AGBL4: variants seen among roughly 807,000 people sequenced by gnomAD.
The protein encoded by AGBL4 is AGBL carboxypeptidase 4, also known as cytosolic carboxypeptidase 6.
Under a neutral mutation model 66.4 loss-of-function variants are expected in AGBL4, and 58 were observed. The ratio of observed to expected loss-of-function variants is 0.87; its 90% CI spans 0.71 to 1.09. The LOEUF (loss-of-function observed/expected upper bound fraction) is 1.09. Ranked by LOEUF, AGBL4 falls within the 50% of genes least tolerant of loss-of-function variation. The probability of loss-of-function intolerance (pLI) is 0.00; values close to 1 mark genes in which losing one functional copy is unlikely to be tolerated. For missense variants in AGBL4, 579 were observed against 631.0 expected (o/e 0.92, Z 0.88); for synonymous variants, 234 against 222.9 (o/e 1.05, Z -0.44).
intron 8 of AGBL4, among the ~76,000 whole-genome samples, chr1:48,651,470 G>A (rs1290533990): frequency 6.6e-6 from 1 of 152,132 alleles, no homozygotes; most frequent in Non-Finnish European, 1.5e-5. Flanking sequence ...TCTGACCGCT[G>A]CTCTTGTAAT....
At chr1:49,176,432 C>T (rs1646833225) in intron 4 of AGBL4, among the ~76,000 whole-genome samples, 1 of 152,142 alleles carries the variant, frequency 6.6e-6, no homozygotes, top group Non-Finnish European at 1.5e-5. Context: ...ATACACACCA[C>T]ACTCCACGAA....
chr1:49,569,895 CT>C (rs1266638036), intron 3 of AGBL4, among the ~76,000 whole-genome samples: 4 of 152,100 alleles, frequency 2.6e-5, no homozygotes, highest in Admixed American at 6.6e-5. Flanking sequence ...TCCATACATG[CT>C]GCAGCAAAAG....
chr1:49,925,668 C>T (rs1478907850), intron 1 of AGBL4, among the ~76,000 whole-genome samples: 3 of 152,158 alleles, frequency 2.0e-5, no homozygotes, highest in Non-Finnish European at 4.4e-5. Flanking sequence ...ATGAGCCCTA[C>T]ACCTGGCAAA....
intron 3 of AGBL4, among the ~76,000 whole-genome samples, chr1:49,346,051 G>A (rs921400478): frequency 3.9e-5 from 6 of 152,052 alleles, no homozygotes; most frequent in Admixed American, 1.3e-4. Context: ...TTTAAAAAGC[G>A]CCTATATGGC....
intron 5 of AGBL4, among the ~76,000 whole-genome samples, chr1:49,010,993 C>G (rs1424726957): frequency 6.6e-6 from 1 of 152,152 alleles, no homozygotes; most frequent in Non-Finnish European, 1.5e-5. Flanking sequence ...GTCTAAAACA[C>G]CAAAAGCAAT....
intron 2 of AGBL4, among the ~76,000 whole-genome samples, chr1:49,698,426 C>T (rs947975781): frequency 6.6e-6 from 1 of 152,024 alleles, no homozygotes; most frequent in African/African-American, 2.4e-5. Flanking sequence ...GTCCTAAATG[C>T]TAAATGAACT....
At chr1:49,055,118 G>C (rs1242051444) in intron 4 of AGBL4, among the ~76,000 whole-genome samples, 39 of 152,058 alleles carry the variant, frequency 2.6e-4, no homozygotes, top group Admixed American at 1.3e-4. Flanking sequence ...TGGGATAACA[G>C]CTTATTAGTA....
intron 3 of AGBL4, among the ~76,000 whole-genome samples, chr1:49,352,763 A>C (rs1184693907): frequency 1.3e-5 from 2 of 152,238 alleles, no homozygotes; most frequent in Non-Finnish European, 1.5e-5. Flanking sequence ...AAAGCTGAGC[A>C]CTTTAGACAT....
chr1:49,450,841 A>G (rs1646262724), intron 3 of AGBL4, among the ~76,000 whole-genome samples: 1 of 152,068 alleles, frequency 6.6e-6, no homozygotes, highest in Non-Finnish European at 1.5e-5. Flanking sequence ...AACAGGGCAT[A>G]CTCAGCTGCA....
At chr1:49,624,760 A>G (rs1645433140) in intron 3 of AGBL4, among the ~76,000 whole-genome samples, 1 of 152,182 alleles carries the variant, frequency 6.6e-6, no homozygotes, top group Non-Finnish European at 1.5e-5. Flanking sequence ...ATCTTTGATG[A>G]CTTCATGAAG....
chr1:50,018,085 A>T (rs948383244), intron 1 of AGBL4, among the ~76,000 whole-genome samples: 1 of 152,114 alleles, frequency 6.6e-6, no homozygotes, highest in African/African-American at 2.4e-5. Context: ...TTTCTATAAT[A>T]TTTTTCAAAA....
chr1:49,689,138 A>C (rs2124586842), intron 3 of AGBL4, among the ~76,000 whole-genome samples: 1 of 152,238 alleles, frequency 6.6e-6, no homozygotes, highest in South Asian at 2.1e-4. Context: ...TACTCAAAAA[A>C]TCTTTGCCCA....
chr1:49,370,947 G>A (rs1644328344), intron 3 of AGBL4, among the ~76,000 whole-genome samples: 1 of 152,050 alleles, frequency 6.6e-6, no homozygotes, highest in Non-Finnish European at 1.5e-5. Flanking sequence ...CCAATCAGTT[G>A]AAAGCCCACA....
intron 4 of AGBL4, among the ~76,000 whole-genome samples, chr1:49,222,671 G>A (rs1649589631): frequency 6.6e-6 from 1 of 152,106 alleles, no homozygotes; most frequent in South Asian, 2.1e-4. Context: ...CTGTACATTA[G>A]ACAAAATCAT....
At chr1:49,513,706 T>A (rs868472320) in intron 3 of AGBL4, among the ~76,000 whole-genome samples, 1 of 152,036 alleles carries the variant, frequency 6.6e-6, no homozygotes, top group East Asian at 1.9e-4. Context: ...GTCTTCTTTA[T>A]GGTAAGTGAT....
At chr1:49,811,595 C>T (rs1175498980) in intron 2 of AGBL4, among the ~76,000 whole-genome samples, 1 of 152,042 alleles carries the variant, frequency 6.6e-6, no homozygotes, top group African/African-American at 2.4e-5. Flanking sequence ...GTTTGGTACT[C>T]AATTATTATA....
chr1:49,758,902 G>C (rs569323285), intron 2 of AGBL4, among the ~76,000 whole-genome samples: 1 of 152,220 alleles, frequency 6.6e-6, no homozygotes, highest in African/African-American at 2.4e-5. Context: ...GGTTGGTTCT[G>C]TGTCCCCACC....
intron 4 of AGBL4, among the ~76,000 whole-genome samples, chr1:49,228,568 G>C (rs1285218352): frequency 1.3e-5 from 2 of 152,170 alleles, no homozygotes; most frequent in Admixed American, 6.5e-5. Flanking sequence ...CAGTGCAAAG[G>C]CCATAAGGCA....
chr1:50,001,887 G>A (rs1357758578), intron 1 of AGBL4, among the ~76,000 whole-genome samples: 1 of 152,086 alleles, frequency 6.6e-6, no homozygotes, highest in Non-Finnish European at 1.5e-5. Flanking sequence ...CTGATAGCTT[G>A]ATCCATCCTA....
Sources: allele counts gnomAD v4.1 joint callset (sites outside exome capture counted in the v4.1 genomes callset), GRCh38; gene constraint gnomAD v4.1.1; transcripts MANE v1.5; gene names NCBI Gene and HGNC (gene_info 2026-07-23, HGNC 2026-07-21).